Variants in UCP2 observed in about 807,000 individuals in gnomAD.
UCP2 encodes dicarboxylate carrier SLC25A8.
UCP2 carries 27 observed loss-of-function variants against 31.3 expected under a neutral mutation model. The ratio of observed to expected loss-of-function variants is 0.86; its 90% confidence interval spans 0.64 to 1.19. The LOEUF (loss-of-function observed/expected upper bound fraction) is 1.19. UCP2 is among the 50% of genes most tolerant of loss of function. The pLI, the probability that UCP2 is intolerant of heterozygous loss-of-function variation, is 0.00. For missense variants in UCP2, 377 were observed against 413.5 expected (o/e 0.91, Z 0.76); for synonymous variants, 142 against 157.4 (o/e 0.90, Z 0.73).
At chr11:73,975,313 T>C (rs955105226) in intron 7 of UCP2, among the ~76,000 whole-genome samples, 178 bp downstream of exon 7, 1 of 152,170 alleles carries the variant, frequency 6.6e-6, no homozygotes, top group Non-Finnish European at 1.5e-5. Context: ...TAAACAGTGA[T>C]GGTAGCAATT....
rs560594697 is a variant in UCP2, at chr11:73,982,838, C to T, written c.-374G>A. The T allele has an allele frequency of 6.6e-6, 1 of 152,100 alleles. No individual in the cohort carries two copies. Among genetic ancestry groups the T allele is most frequent in the Non-Finnish European group, 1.5e-5 (1 of 68,106 alleles). The allele number at this position is 152,100 out of a possible 1,614,324, so 9.4% of individuals were successfully genotyped here. On this transcript the variant is annotated 5_prime_UTR_variant, in exon 1 of 8. Transcript: ENST00000663595. ...TCCCAAGGCGCGCGCAGCTGGGCTT[C>T]GCAGTGGGGCTCCGCGCAGGCGGCG...
chr11:73,975,345 G>A (rs977483675), intron 7 of UCP2, 146 bp downstream of exon 7: 1 of 1,045,378 alleles, frequency 9.6e-7, no homozygotes, highest in African/African-American at 1.6e-5. Flanking sequence ...GAATTAAGGG[G>A]ATAGGTGAAT....
chr11:73,976,484 C>T (rs1407361927), intron 6 of UCP2, among the ~76,000 whole-genome samples, 157 bp downstream of exon 6: 1 of 152,208 alleles, frequency 6.6e-6, no homozygotes, highest in Non-Finnish European at 1.5e-5. Context: ...AGCTTCATCC[C>T]AATTGGCTTC....
At chr11:73,977,237 A>G (rs1177882271) in intron 4 of UCP2, among the ~76,000 whole-genome samples, 1 of 152,230 alleles carries the variant, frequency 6.6e-6, no homozygotes, top group Non-Finnish European at 1.5e-5. Flanking sequence ...AAGGGCTAAG[A>G]CCAAAATGAA....
Position 73,974,975 on chromosome 11 carries a change from C to G in UCP2, c.*32G>C, listed in dbSNP as rs1056001324. 7.1e-7 allele frequency: 1 copy of G among 1,401,816 alleles called. No individual in the cohort carries two copies. The highest frequency in any genetic ancestry group is 9.5e-7 in the Non-Finnish European group (1 of 1,047,968). The allele number at this position is 1,401,816 out of a possible 1,614,324, so 86.8% of individuals were successfully genotyped here. ...AAGCATGGCCCGGCTAGAGACAAAG[C>G]CAGAGGTGATCAGGTCAGCAGCAGG... On this transcript the variant is annotated 3_prime_UTR_variant, in exon 8 of 8. Transcript: ENST00000663595.
Position 73,975,626 on chromosome 11 carries a change from C to G in UCP2, c.680G>C (p.Cys227Ser). 1 of 1,614,206 alleles carries G rather than the reference C, an allele frequency of 6.2e-7. No homozygotes were observed. Among genetic ancestry groups the G allele is most frequent in the Non-Finnish European group, 8.5e-7 (1 of 1,180,036 alleles). Residue 227 changes from cysteine (C) to serine (S), a missense_variant, in exon 7 of 8, where the codon TGC becomes TCC. Cys to Ser is a moderately radical substitution (Grantham distance 112). Coordinates refer to ENST00000663595, the MANE Select transcript of UCP2 (RefSeq NM_003355.3). Reference protein sequence around the residue: ...HFTSAFGAGFCTTVIASPVDV... With the variant: ...HFTSAFGAGFSTTVIASPVDV... ...TACAGGGGAGGCGATGACAGTGGTG[C>G]AGAAGCCTGCCCCAAAGGCAGAAGT...
intron 6 of UCP2, among the ~76,000 whole-genome samples, chr11:73,976,210 C>G (rs1565183328): frequency 6.6e-6 from 1 of 152,096 alleles, no homozygotes; most frequent in Admixed American, 6.5e-5. Flanking sequence ...ACTAAAAATA[C>G]AAAAATTAGC....
At chr11:73,976,463 T>G (rs1035537265) in intron 6 of UCP2, among the ~76,000 whole-genome samples, 178 bp downstream of exon 6, 1 of 152,226 alleles carries the variant, frequency 6.6e-6, no homozygotes, top group Non-Finnish European at 1.5e-5. Flanking sequence ...TTCCTCAATG[T>G]GCAAAGTGGG....
chr11:73,976,464 G>T (rs1359600612), intron 6 of UCP2, among the ~76,000 whole-genome samples, 177 bp downstream of exon 6: 5 of 152,234 alleles, frequency 3.3e-5, no homozygotes, highest in Admixed American at 1.3e-4. Context: ...TCCTCAATGT[G>T]CAAAGTGGGA....
chr11:73,977,098 T>C, intron 4 of UCP2, 81 bp from the exon 5 acceptor site: 1 of 1,419,356 alleles, frequency 7.0e-7, no homozygotes, highest in Non-Finnish European at 9.5e-7. Flanking sequence ...AACCACCCTG[T>C]CACTGTCATC....
chr11:73,978,132 C>T (rs866986647), intron 3 of UCP2, 36 bp from the exon 4 acceptor site: 7 of 1,613,880 alleles, frequency 4.3e-6, no homozygotes, highest in African/African-American at 1.3e-5. Flanking sequence ...CAGGGATAAG[C>T]ATGTTGCCCT....
chr11:73,978,134 T>C (rs1951390659), intron 3 of UCP2, 38 bp from the exon 4 acceptor site: 15 of 1,613,984 alleles, frequency 9.3e-6, no homozygotes, highest in Non-Finnish European at 1.3e-5. Flanking sequence ...GGGATAAGCA[T>C]GTTGCCCTTC....
intron 6 of UCP2, among the ~76,000 whole-genome samples, 193 bp from the exon 7 acceptor site, chr11:73,975,864 G>A (rs556313855): frequency 1.4e-3 from 208 of 152,298 alleles, no homozygotes; most frequent in African/African-American, 4.8e-3. Flanking sequence ...AGGAGTTCAA[G>A]ACCAGACTGG....
chr11:73,976,634 G>A lies in UCP2; in HGVS notation c.634+7C>T, dbSNP rs377158346. On this transcript the variant is annotated splice_region_variant and intron_variant, in intron 6 of 7. Coordinates refer to ENST00000663595, the MANE Select transcript of UCP2 (RefSeq NM_003355.3). ...TGAGACCCAGCACCGTCTACCTCAT[G>A]ACTCACCTGTCATGAGGTTGGCTTT... is the stretch of plus-strand genomic sequence containing the variant. 1 of 1,612,184 alleles carries A rather than the reference G, an allele frequency of 6.2e-7. No homozygotes were observed. Among genetic ancestry groups the A allele is most frequent in the Non-Finnish European group, 8.5e-7 (1 of 1,178,416 alleles).
In UCP2 at chr11:73,975,530, G is replaced by A; in HGVS notation, c.776C>T (p.Thr259Ile). Residue 259 changes from threonine to isoleucine, a missense_variant, in exon 7 of 8, where the codon ACC becomes ATC. Thr to Ile is a moderately conservative substitution (Grantham distance 89). Coordinates refer to ENST00000663595, the MANE Select transcript of UCP2 (RefSeq NM_003355.3). The part of the protein sequence containing the change: ...QYSSAGHCAL[T>I]MLQKEGPRAF... ...TCGGGGCCCCTCCTTCTGGAGCATG[G>A]TAAGGGCACAGTGGCCAGCGCTACT... 1.9e-6 allele frequency: 3 copies of A among 1,612,978 alleles called. No homozygotes were observed. The highest frequency in any genetic ancestry group is 1.7e-5 in the Admixed American group (1 of 60,004).
intron 2 of UCP2, chr11:73,980,836 G>A (rs1045237688): frequency 6.6e-6 from 1 of 152,196 alleles, no homozygotes; most frequent in African/African-American, 2.4e-5. Context: ...TCCCTTCTCT[G>A]GGCATCAGAG....
Position 73,977,898 on chromosome 11 carries a change from T to C in UCP2, c.325A>G (p.Lys109Glu). ...LYDSVKQFYT[K>E]GSEHASIGSR... ...GCTCCATACTCACGCTCAGAGCCCT[T>C]GGTGTAGAACTGTTTGACAGAATCA... Residue 109 changes from lysine (K) to glutamate (E), a missense_variant, in exon 4 of 8, where the codon AAG (lysine) becomes GAG (glutamate). By Grantham distance (56) the Lys-to-Glu change is moderately conservative. Coordinates refer to ENST00000663595, the MANE Select transcript of UCP2 (RefSeq NM_003355.3). 6.2e-7 allele frequency: 1 copy of C among 1,614,182 alleles called. No homozygotes were observed. Among genetic ancestry groups the C allele is most frequent in the Non-Finnish European group, 8.5e-7 (1 of 1,180,030 alleles).
chr11:73,978,599 T>A, intron 2 of UCP2, 122 bp from the exon 3 acceptor site: 1 of 609,532 alleles, frequency 1.6e-6, no homozygotes, highest in South Asian at 1.9e-5. Context: ...AGTGGCCTCA[T>A]GAGGGAAAAC....
In UCP2 at chr11:73,975,077, A is replaced by G. The variant is rs141732411; in HGVS notation, c.860T>C (p.Met287Thr). The change falls in exon 8 of 8, where the codon ATG becomes ACG. Residue 287 changes from methionine to threonine, a missense_variant. Transcript: ENST00000663595. ...TTTCAGCTGCTCATAGGTGACGAACATCACCACGTTCCAGGAACCCAAGCG... is the reference window on the plus strand; with the variant it reads ...TTTCAGCTGCTCATAGGTGACGAACGTCACCACGTTCCAGGAACCCAAGCG... ...FLRLGSWNVV[M>T]FVTYEQLKRA... 64 of 1,613,772 alleles carry G rather than the reference A, an allele frequency of 4.0e-5. No homozygotes were observed. The highest frequency in any genetic ancestry group is 5.3e-5 in the Non-Finnish European group (63 of 1,179,916).
Sources: gnomAD v4.1 joint callset for allele counts (sites outside exome capture counted in the v4.1 genomes callset) on GRCh38, gnomAD v4.1.1 for gene constraint, MANE v1.5 for transcripts, NCBI Gene and HGNC (gene_info 2026-07-23, HGNC 2026-07-21) for gene names.